FLRT1: variants seen among roughly 807,000 people sequenced by gnomAD.
The protein encoded by FLRT1 is fibronectin leucine rich transmembrane protein 1.
A neutral mutation model predicts 30.9 loss-of-function variants in FLRT1; 14 were observed. The observed-to-expected ratio is 0.45, with a 90% confidence interval of 0.30 to 0.71. The LOEUF (loss-of-function observed/expected upper bound fraction) is 0.71, where lower values mean the gene tolerates loss of function less well. Among genes scored for constraint, FLRT1 ranks in the 30% least tolerant of loss-of-function variants. FLRT1 has a pLI of 0.08. For missense variants in FLRT1, 737 were observed against 949.2 expected, an observed-to-expected ratio of 0.78 and a Z score of 2.94; for synonymous variants, 368 against 430.4, an observed-to-expected ratio of 0.85 and a Z score of 1.80.
chr11:64,093,577 C>T (rs893991059), intron 1 of FLRT1, among the ~76,000 whole-genome samples: 2 of 152,248 alleles, frequency 1.3e-5, no homozygotes, highest in Admixed American at 6.5e-5. Context: ...CCAGTCCTTC[C>T]CTCCCAGTCC....
chr11:64,061,030 T>G (rs956514501), intron 1 of FLRT1, among the ~76,000 whole-genome samples: 61 of 152,206 alleles, frequency 4.0e-4, no homozygotes, highest in African/African-American at 1.4e-3. Context: ...AACCGCGGCC[T>G]CCTCCTCCCT....
rs1162514613 is a variant in FLRT1 at position 64,082,696 on chromosome 11, C to T, written c.-1037-20498C>T. Among the ~76,000 whole-genome samples the T allele has an allele frequency of 6.6e-6, 1 of 152,142 alleles. No homozygotes were observed. Among genetic ancestry groups the T allele is most frequent in the African/African-American group, 2.4e-5 (1 of 41,418 alleles). ...CCTGTCCTGCTCCACCCTGCAGGCCCCTGGGTCTCACACAAGGAATGTGGA... is the reference window on the plus strand; with the variant it reads ...CCTGTCCTGCTCCACCCTGCAGGCCTCTGGGTCTCACACAAGGAATGTGGA... On this transcript the variant is annotated intron_variant, in intron 1 of 2. Coordinates refer to ENST00000682287, the MANE Select transcript of FLRT1 (RefSeq NM_013280.5). This position sits in a 1 kb window ranked among gnomAD's most constrained non-coding sequence, Gnocchi z 4.5.
Position 64,070,672 on chromosome 11 carries a change from C to CG in FLRT1, c.-1037-32518dup, listed in dbSNP as rs558799489. Among the ~76,000 whole-genome samples, 171 of 152,242 alleles carry CG rather than the reference C, an allele frequency of 1.1e-3. 2 individuals are homozygous for CG. The highest frequency in any genetic ancestry group is 3.3e-3 in the African/African-American group (138 of 41,542). On this transcript the variant is annotated intron_variant, in intron 1 of 2. Coordinates refer to ENST00000682287, the MANE Select transcript of FLRT1 (RefSeq NM_013280.5). The stretch of plus-strand genomic sequence containing the variant: ...GGGCCTCAGGGGCCTCCCAGCTGAT[C>CG]GGGGCAGATTTAACAGGACTTTGAA...
At chr11:64,101,022 G>A (rs1214050400) in intron 1 of FLRT1, among the ~76,000 whole-genome samples, 1 of 152,170 alleles carries the variant, frequency 6.6e-6, no homozygotes, top group East Asian at 1.9e-4. Flanking sequence ...TGAGCCAGGT[G>A]CTGGGGGATC....
intron 1 of FLRT1, among the ~76,000 whole-genome samples, chr11:64,101,578 C>T (rs377114431): frequency 1.5e-4 from 23 of 152,266 alleles, no homozygotes; most frequent in East Asian, 1.2e-3. Flanking sequence ...GCCAGGGAGG[C>T]GGATGACCTC....
At chr11:64,046,136 T>C (rs963779418) in intron 1 of FLRT1, among the ~76,000 whole-genome samples, 1 of 152,162 alleles carries the variant, frequency 6.6e-6, no homozygotes, top group African/African-American at 2.4e-5. Context: ...AGGGGTAGGA[T>C]GGGAACCCGG....
At chr11:64,051,251 G>A (rs1005206240) in intron 1 of FLRT1, among the ~76,000 whole-genome samples, 18 of 152,246 alleles carry the variant, frequency 1.2e-4, no homozygotes, top group Admixed American at 4.6e-4. Context: ...ACCCCACGTA[G>A]GTGCCCAATC....
At chr11:64,057,910 C>G (rs1475096644) in intron 1 of FLRT1, among the ~76,000 whole-genome samples, 1 of 152,208 alleles carries the variant, frequency 6.6e-6, no homozygotes, top group African/African-American at 2.4e-5. Context: ...GTGGGTGCAA[C>G]CCCAAAGCCA....
chr11:64,076,765 A>G (rs922304164), intron 1 of FLRT1, among the ~76,000 whole-genome samples: 22 of 152,314 alleles, frequency 1.4e-4, no homozygotes, highest in African/African-American at 5.1e-4. Flanking sequence ...TGTTGTTGGC[A>G]GAGCTAGCTA....
Position 64,116,870 on chromosome 11 carries a change from G to A in FLRT1, c.603G>A (p.Glu201=), listed in dbSNP as rs750545210. 1.2e-6 allele frequency: 2 copies of A among 1,612,116 alleles called. No homozygotes were observed. The highest frequency in any genetic ancestry group is 2.2e-5 in the South Asian group (2 of 91,072). The part of the protein sequence containing the change: ...SIPSGLPHTL[E]ELRLDDNRIS... ...CCTCGGGGCTGCCGCACACGCTGGA[G>A]GAGCTGCGGCTGGATGACAACCGCA... Residue 201 remains glutamate, a synonymous_variant, in exon 3 of 3, where the codon GAG becomes GAA. Transcript: ENST00000682287.
At chr11:64,075,979 C>G (rs1944193499) in intron 1 of FLRT1, among the ~76,000 whole-genome samples, 1 of 152,236 alleles carries the variant, frequency 6.6e-6, no homozygotes, top group Non-Finnish European at 1.5e-5. Context: ...CGGCCTGGCC[C>G]TGTCTTCTTG....
chr11:64,062,002 A>G (rs1937925140), intron 1 of FLRT1, among the ~76,000 whole-genome samples: 2 of 110,880 alleles, frequency 1.8e-5, no homozygotes, highest in Non-Finnish European at 3.3e-5. Flanking sequence ...TGCTTCTGTT[A>G]GTTACTTTCC....
intron 1 of FLRT1, among the ~76,000 whole-genome samples, chr11:64,088,810 G>C (rs999300998): frequency 2.6e-5 from 4 of 152,196 alleles, no homozygotes; most frequent in Admixed American, 6.5e-5. Flanking sequence ...ATGGGCTCTT[G>C]GTGGGTGGGA....
intron 1 of FLRT1, among the ~76,000 whole-genome samples, chr11:64,083,804 A>G (rs1944344400): frequency 6.6e-6 from 1 of 152,202 alleles, no homozygotes; most frequent in Non-Finnish European, 1.5e-5. Flanking sequence ...GGGGTGAGTC[A>G]GCAGGGGTTG....
intron 1 of FLRT1, among the ~76,000 whole-genome samples, chr11:64,045,476 C>T (rs1310789200): frequency 6.6e-6 from 1 of 152,186 alleles, no homozygotes; most frequent in African/African-American, 2.4e-5. Context: ...GTTTCTGCAG[C>T]GTGGGCCCTG....
Position 64,117,164 on chromosome 11 carries a change from G to A in FLRT1, c.897G>A (p.Leu299=), listed in dbSNP as rs369580645. The A allele has an allele frequency of 1.1e-4, 180 of 1,613,908 alleles. No individual in the cohort carries two copies. The highest frequency in any genetic ancestry group is 1.5e-4 in the Non-Finnish European group (173 of 1,180,010). Residue 299 remains leucine (L), a synonymous_variant, in exon 3 of 3, where the codon CTG becomes CTA. Coordinates refer to ENST00000682287, the MANE Select transcript of FLRT1 (RefSeq NM_013280.5). ...TLAKMRELER[L]DLSNNNLTTL... ...CCAAGATGCGTGAGCTGGAGCGGCT[G>A]GACCTGTCCAACAACAACCTGACCA...
chr11:64,118,436 G>A lies in FLRT1; in HGVS notation c.*144G>A. On this transcript the variant is annotated 3_prime_UTR_variant, in exon 3 of 3. Transcript: ENST00000682287. Reference sequence around the variant, plus strand: ...CTCCGCAGAAAGCAAAGTTTGGGGAGGGCTGACGATTTTGTAGAACACAAC... The same window carrying A: ...CTCCGCAGAAAGCAAAGTTTGGGGAAGGCTGACGATTTTGTAGAACACAAC... The A allele has an allele frequency of 9.8e-7, 1 of 1,018,636 alleles. No homozygotes were observed. Among genetic ancestry groups the A allele is most frequent in the Non-Finnish European group, 1.4e-6 (1 of 740,084 alleles). The allele number at this position is 1,018,636 out of a possible 1,614,324, so 63.1% of individuals were successfully genotyped here.
intron 1 of FLRT1, among the ~76,000 whole-genome samples, chr11:64,068,230 G>A (rs893554260): frequency 1.3e-5 from 2 of 152,226 alleles, no homozygotes; most frequent in African/African-American, 2.4e-5. Context: ...GCACCTCCAC[G>A]CGGTGTCAGA....
At chr11:64,051,422 T>C (rs1004744702) in intron 1 of FLRT1, among the ~76,000 whole-genome samples, 1 of 152,122 alleles carries the variant, frequency 6.6e-6, no homozygotes, top group African/African-American at 2.4e-5. Context: ...GTGGTGACAG[T>C]GATGGCGGAC....
Sources: allele counts gnomAD v4.1 joint callset (sites outside exome capture counted in the v4.1 genomes callset), GRCh38; gene constraint gnomAD v4.1.1; non-coding constraint Gnocchi (gnomAD v3.1); transcripts MANE v1.5; gene names NCBI Gene and HGNC (gene_info 2026-07-23, HGNC 2026-07-21).